The following MAP4 variants were observed in gnomAD, a reference collection of about 807,000 sequenced individuals.
MAP4 encodes the protein microtubule-associated protein 4.
In MAP4, 76 loss-of-function variants were observed where a neutral mutation model predicts 170.2. The observed-to-expected ratio is 0.45, with a 90% confidence interval of 0.37 to 0.54. The LOEUF is 0.54. Among genes scored for constraint, MAP4 ranks in the 20% least tolerant of loss-of-function variants. The pLI, the probability that MAP4 is intolerant of heterozygous loss-of-function variation, is 0.00. For missense variants in MAP4, 2,506 were observed against 2,748.0 expected (o/e 0.91, Z 1.97); for synonymous variants, 909 against 994.5 (o/e 0.91, Z 1.62).
chr3:47,920,223 C>T (rs1287272931), intron 5 of MAP4, among the ~76,000 whole-genome samples: 15 of 149,008 alleles, frequency 1.0e-4, no homozygotes, highest in East Asian at 2.0e-4. Context: ...TGCCCACCTC[C>T]GTCTCCCAAA....
chr3:48,055,188 C>G (rs111286639), intron 1 of MAP4, among the ~76,000 whole-genome samples: 1,138 of 64,566 alleles, frequency 0.018, 7 homozygotes, highest in African/African-American at 0.048. Context: ...CTCCCTCTCC[C>G]TCTCCCTCTC....
chr3:48,012,391 C>T (rs375845204), intron 1 of MAP4, among the ~76,000 whole-genome samples: 66 of 152,294 alleles, frequency 4.3e-4, no homozygotes, highest in African/African-American at 1.6e-3. Context: ...AAAAATCCTG[C>T]ATCAGTTTCA....
intron 2 of MAP4, among the ~76,000 whole-genome samples, chr3:47,989,971 A>G (rs761309990): frequency 5.9e-5 from 9 of 151,848 alleles, no homozygotes; most frequent in Non-Finnish European, 1.5e-5. Context: ...TATTTTGTTG[A>G]TTCCCTCTCC....
intron 8 of MAP4, among the ~76,000 whole-genome samples, chr3:47,913,933 A>T (rs2100037240): frequency 6.6e-6 from 1 of 152,210 alleles, no homozygotes; most frequent in Admixed American, 6.5e-5. Flanking sequence ...CAAACTTTAA[A>T]TTGGAAAGTA....
At chr3:47,962,096 A>T (rs897132019) in intron 3 of MAP4, among the ~76,000 whole-genome samples, 3 of 152,182 alleles carry the variant, frequency 2.0e-5, no homozygotes, top group African/African-American at 7.2e-5. Flanking sequence ...GATTCCCAGA[A>T]ACTTCCAGCC....
In MAP4 at chr3:47,852,942, C is replaced by T; in HGVS notation, c.6887-4G>A. The T allele has an allele frequency of 2.5e-6, 4 of 1,612,996 alleles. No individual in the cohort carries two copies. The highest frequency in any genetic ancestry group is 3.4e-6 in the Non-Finnish European group (4 of 1,179,454). On this transcript the variant is annotated splice_region_variant and splice_polypyrimidine_tract_variant and intron_variant, in intron 20 of 20. Transcript: ENST00000683076. The stretch of plus-strand genomic sequence containing the variant: ...ACGTCAGCCTGTAGGTCTCAATCTG[C>T]AGTGACATGGGAGGAGGGAAGGGAG...
At chr3:48,087,745 GCA>G (rs1171639123) in intron 1 of MAP4, among the ~76,000 whole-genome samples, 7,068 of 105,598 alleles carry the variant, frequency 0.067, 178 homozygotes, top group Middle Eastern at 0.12. Flanking sequence ...ACACGCACGC[GCA>G]CACACACACA....
At chr3:47,914,962 C>T (rs766885584) in intron 7 of MAP4, 23 bp from the exon 8 acceptor site, 16 of 1,613,846 alleles carry the variant, frequency 9.9e-6, no homozygotes, top group Non-Finnish European at 1.4e-5. Flanking sequence ...ACAAAAGCCA[C>T]ACACGTTTCA....
chr3:48,060,993 C>T (rs1579687984), intron 1 of MAP4, among the ~76,000 whole-genome samples: 1 of 151,852 alleles, frequency 6.6e-6, no homozygotes, highest in African/African-American at 2.4e-5. Flanking sequence ...TACAGGTACC[C>T]GCCACCACGC....
intron 1 of MAP4, among the ~76,000 whole-genome samples, chr3:48,024,618 A>G (rs951624817): frequency 4.6e-5 from 7 of 152,344 alleles, no homozygotes; most frequent in Non-Finnish European, 7.3e-5. Flanking sequence ...CCTCAATTAC[A>G]TGACAGCCAC....
At chr3:48,012,837 A>G (rs2100105966) in intron 1 of MAP4, among the ~76,000 whole-genome samples, 1 of 152,228 alleles carries the variant, frequency 6.6e-6, no homozygotes, top group South Asian at 2.1e-4. Context: ...TCTGTATTTC[A>G]TCAACAGTTA....
chr3:48,019,480 T>C (rs925251153), upstream of MAP4, among the ~76,000 whole-genome samples: 2 of 152,216 alleles, frequency 1.3e-5, no homozygotes, highest in African/African-American at 2.4e-5. Context: ...CAGAAAGTAA[T>C]AAGCATATCA....
chr3:47,988,055 G>A (rs188990622), intron 2 of MAP4, among the ~76,000 whole-genome samples: 74 of 152,030 alleles, frequency 4.9e-4, no homozygotes, highest in Middle Eastern at 3.4e-3. Context: ...TTAGCCGGGC[G>A]TGGCGGCACA....
intron 1 of MAP4, among the ~76,000 whole-genome samples, chr3:48,055,028 A>C (rs1017525794): frequency 2.6e-5 from 4 of 152,288 alleles, no homozygotes; most frequent in South Asian, 4.1e-4. Flanking sequence ...TTAAGCACTC[A>C]ATACCCCTTC....
upstream of MAP4, among the ~76,000 whole-genome samples, chr3:48,021,160 T>TCC (rs2100110367): frequency 6.6e-6 from 1 of 152,070 alleles, no homozygotes; most frequent in African/African-American, 2.4e-5. Context: ...GACATCACAC[T>TCC]CCCCCTTGTT....
Position 47,927,203 on chromosome 3 carries a change from C to T in MAP4, c.415+1025G>A, listed in dbSNP as rs532575503. 2.7e-5 allele frequency among the ~76,000 whole-genome samples: 4 copies of T among 150,810 alleles called. 1 individual carries two copies. In the South Asian group the frequency reaches 8.4e-4, roughly 32 times the overall value. ...TTGTATCTCAATACAGCTTTTTCTT[C>T]ACCCTCCCCCCATAATTACTTTGTA... On this transcript the variant is annotated intron_variant, in intron 4 of 20. Transcript: ENST00000683076.
chr3:48,044,076 C>T (rs1424442433), intron 1 of MAP4, among the ~76,000 whole-genome samples: 1 of 151,588 alleles, frequency 6.6e-6, no homozygotes, highest in Non-Finnish European at 1.5e-5. Flanking sequence ...GATCTCCTGA[C>T]CTCGTGATCT....
intron 2 of MAP4, among the ~76,000 whole-genome samples, chr3:47,984,460 T>C (rs1273319323): frequency 2.0e-5 from 3 of 152,224 alleles, no homozygotes; most frequent in East Asian, 1.9e-4. Context: ...AAAGTTGGAT[T>C]AGATACAGGA....
chr3:48,029,816 G>A (rs780510989), intron 1 of MAP4, among the ~76,000 whole-genome samples: 127 of 151,532 alleles, frequency 8.4e-4, no homozygotes, highest in Non-Finnish European at 1.6e-3. Flanking sequence ...TGGCTAACAC[G>A]GTGAAACCCC....
Sources: gnomAD v4.1 joint callset for allele counts (sites outside exome capture counted in the v4.1 genomes callset) on GRCh38, gnomAD v4.1.1 for gene constraint, MANE v1.5 for transcripts, NCBI Gene and HGNC (gene_info 2026-07-23, HGNC 2026-07-21) for gene names.